The following DENND5A variants were observed in gnomAD, a reference collection of about 807,000 sequenced individuals.
DENND5A encodes DENN domain-containing protein 5A.
Under a neutral mutation model 140.3 loss-of-function variants are expected in DENND5A, and 64 were observed. The observed-to-expected ratio is 0.46, with a 90% CI of 0.37 to 0.56. The LOEUF (loss-of-function observed/expected upper bound fraction) is 0.56. DENND5A is among the 20% of genes least tolerant of loss of function. The pLI is 0.00. For missense variants in DENND5A, 1,292 were observed against 1,593.8 expected (o/e 0.81, Z 3.22); for synonymous variants, 605 against 607.7 (o/e 1.00, Z 0.07).
At chr11:9,176,767 C>T in intron 8 of DENND5A, 1 of 378,090 alleles carries the variant, frequency 2.6e-6, no homozygotes, top group South Asian at 2.0e-5. Flanking sequence ...CCATCAACTG[C>T]TTACTCATAA....
chr11:9,246,298 C>T (rs1851468079), intron 1 of DENND5A, among the ~76,000 whole-genome samples: 1 of 152,102 alleles, frequency 6.6e-6, no homozygotes, highest in Non-Finnish European at 1.5e-5. Flanking sequence ...AGGTTCCACA[C>T]CGGACACATA....
In DENND5A at chr11:9,193,501, G is replaced by C. The variant is rs1849211618; in HGVS notation, c.1130C>G (p.Pro377Arg). The change falls in exon 5 of 23, where the codon CCT becomes CGT. Residue 377 changes from proline (P) to arginine (R), a missense_variant. Coordinates refer to ENST00000328194, the MANE Select transcript of DENND5A (RefSeq NM_015213.4). Reference sequence around the variant, plus strand: ...CAACACTCAAGATCTCACCTCTTGAGGCAGCTCCAGCTTTGACCGGTCATC... The same window carrying C: ...CAACACTCAAGATCTCACCTCTTGACGCAGCTCCAGCTTTGACCGGTCATC... ...GLDDRSKLEL[P>R]QEANLCFVDI... 1 of 1,604,574 alleles carries C rather than the reference G, an allele frequency of 6.2e-7. No homozygotes were observed. The highest frequency in any genetic ancestry group is 8.5e-7 in the Non-Finnish European group (1 of 1,175,894).
At chr11:9,196,588 C>A (rs753219850) in intron 4 of DENND5A, among the ~76,000 whole-genome samples, 2 of 151,978 alleles carry the variant, frequency 1.3e-5, no homozygotes, top group Non-Finnish European at 2.9e-5. Flanking sequence ...TCCTGAAATG[C>A]CTTTTTTCAA....
intron 1 of DENND5A, among the ~76,000 whole-genome samples, chr11:9,235,263 A>G (rs1257377322): frequency 6.6e-6 from 1 of 152,224 alleles, no homozygotes; most frequent in African/African-American, 2.4e-5. Context: ...AAAATATGGT[A>G]CGTATTATTC....
chr11:9,150,228 A>G lies in DENND5A; in HGVS notation c.2607-19T>C, dbSNP rs7123970. ...GATGTGCCTGGAGGAAGAATGTAAA[A>G]AGGAAGTGGAGGGTGGGATGGGAGA... is the stretch of plus-strand genomic sequence containing the variant. On this transcript the variant is annotated intron_variant, in intron 14 of 22. Coordinates refer to ENST00000328194, the MANE Select transcript of DENND5A (RefSeq NM_015213.4). 539,525 of 1,610,982 alleles carry G rather than the reference A, an allele frequency of 0.33. 95,413 individuals are homozygous for G. Among genetic ancestry groups the G allele is most frequent in the African/African-American group, 0.62 (46,132 of 74,848 alleles).
rs192043211 is a variant in DENND5A at position 9,206,583 on chromosome 11, G to A, written c.291+90C>T. 840 of 900,644 alleles carry A rather than the reference G, an allele frequency of 9.3e-4. 3 individuals carry two copies. Among genetic ancestry groups the A allele is most frequent in the Non-Finnish European group, 1.3e-3 (704 of 548,030 alleles). 55.8% of individuals were successfully genotyped at this position (900,644 alleles called of 1,614,324 possible). On this transcript the variant is annotated intron_variant, in intron 3 of 22. Transcript: ENST00000328194. ...TTTCTTCAAAAGTTATTGGTATTTG[G>A]TGGCACCACTGCTACCACAGCCTGA...
intron 1 of DENND5A, among the ~76,000 whole-genome samples, chr11:9,233,588 T>A (rs534252080): frequency 1.3e-5 from 2 of 151,946 alleles, no homozygotes; most frequent in East Asian, 3.9e-4. Context: ...AGTAGTTGAG[T>A]GTACCCAAAA....
rs755189426 is a variant in DENND5A at position 9,181,103 on chromosome 11, T to A, written c.1138-19A>T. On this transcript the variant is annotated intron_variant, in intron 5 of 22. Transcript: ENST00000328194. ...GGTTAGCCTGGAAGTCAAAACAGGA[T>A]GAGGAGTATGAATAACTCCAGAGCA... is the stretch of plus-strand genomic sequence containing the variant. 6.2e-7 allele frequency: 1 copy of A among 1,603,538 alleles called. No individual in the cohort carries two copies. Among genetic ancestry groups the A allele is most frequent in the African/African-American group, 1.3e-5 (1 of 74,720 alleles).
At chr11:9,208,955 T>C (rs1849781035) in intron 1 of DENND5A, among the ~76,000 whole-genome samples, 1 of 152,224 alleles carries the variant, frequency 6.6e-6, no homozygotes. Context: ...GCACTTACTG[T>C]ACAAAGTAAT....
At chr11:9,252,290 C>T (rs1354085335) in intron 1 of DENND5A, among the ~76,000 whole-genome samples, 68 of 123,344 alleles carry the variant, frequency 5.5e-4, no homozygotes, top group Admixed American at 2.7e-3. Flanking sequence ...AGCAAGACTC[C>T]GTCTCAAAAA....
chr11:9,206,682 T>C lies in DENND5A; in HGVS notation c.282A>G (p.Ala94=). Residue 94 remains alanine (A), a synonymous_variant, in exon 3 of 23, where the codon GCA becomes GCG. Coordinates refer to ENST00000328194, the MANE Select transcript of DENND5A (RefSeq NM_015213.4). ...NVEWNPFDQD[A]VGMLCMPKGL... ...GCTAACAAATACCAACCATTCCTAC[T>C]GCATCTTGGTCAAAGGGATTCCATT... The C allele has an allele frequency of 1.2e-6, 2 of 1,606,848 alleles. No homozygotes were observed. Among genetic ancestry groups the C allele is most frequent in the Non-Finnish European group, 1.7e-6 (2 of 1,173,462 alleles).
chr11:9,174,096 C>G (rs954683441), intron 8 of DENND5A, among the ~76,000 whole-genome samples: 1 of 90,340 alleles, frequency 1.1e-5, no homozygotes, highest in Non-Finnish European at 2.0e-5. Context: ...GAGCAAGACT[C>G]CGTCTCAAAA....
Position 9,204,017 on chromosome 11 carries a change from G to A in DENND5A, c.592C>T (p.Arg198Trp), listed in dbSNP as rs373169544. The A allele has an allele frequency of 2.1e-5, 34 of 1,613,948 alleles. No homozygotes were observed. Among genetic ancestry groups the A allele is most frequent in the Non-Finnish European group, 2.5e-5 (30 of 1,180,018 alleles). Residue 198 changes from arginine (R) to tryptophan (W), a missense_variant, in exon 4 of 23, where the codon CGG becomes TGG. By Grantham distance (101) the Arg-to-Trp change is moderately radical. Transcript: ENST00000328194. ...CACTTAGAGACGTAGAGAGTGTCCC[G>A]GCTAATGTCATAGGAGTTGAAGCGC... Reference protein sequence around the residue: ...LQRFNSYDISRDTLYVSKCIC... With the variant: ...LQRFNSYDISWDTLYVSKCIC...
At chr11:9,163,527 T>C (rs924345586) in intron 11 of DENND5A, among the ~76,000 whole-genome samples, 3 of 152,024 alleles carry the variant, frequency 2.0e-5, no homozygotes, top group Non-Finnish European at 4.4e-5. Context: ...TCCAGGCCAG[T>C]TGTGCAGTGC....
intron 11 of DENND5A, among the ~76,000 whole-genome samples, chr11:9,165,471 G>A (rs1316340144): frequency 2.6e-5 from 4 of 151,374 alleles, no homozygotes; most frequent in South Asian, 2.1e-4. Flanking sequence ...ACAGAGTCTC[G>A]CTCTGTTGCC....
chr11:9,177,487 A>G (rs1161272991), intron 8 of DENND5A, among the ~76,000 whole-genome samples: 1 of 77,636 alleles, frequency 1.3e-5, no homozygotes, highest in Non-Finnish European at 3.0e-5. Context: ...TGTCTCCACA[A>G]AAAAAAAAAA....
Position 9,225,005 on chromosome 11 carries a change from A to T in DENND5A, c.110-17373T>A, listed in dbSNP as rs151075312. 5.2e-3 allele frequency among the ~76,000 whole-genome samples: 794 copies of T among 152,250 alleles called. 7 individuals carry two copies. Among genetic ancestry groups the T allele is most frequent in the African/African-American group, 0.018 (730 of 41,542 alleles). ...CTCCTTTGAATGTAGTTCATATGACATGGTTTTCAGTTCCCTCACAATCCT... is the reference window on the plus strand; with the variant it reads ...CTCCTTTGAATGTAGTTCATATGACTTGGTTTTCAGTTCCCTCACAATCCT... On this transcript the variant is annotated intron_variant, in intron 1 of 22. Coordinates refer to ENST00000328194, the MANE Select transcript of DENND5A (RefSeq NM_015213.4).
chr11:9,169,706 T>C (rs959065951), intron 10 of DENND5A, 150 bp downstream of exon 10: 3 of 533,630 alleles, frequency 5.6e-6, no homozygotes, highest in East Asian at 3.2e-5. Context: ...CAGCATTAGA[T>C]ATCAGGAACT....
intron 17 of DENND5A, 32 bp downstream of exon 17, chr11:9,145,638 C>G: frequency 6.2e-7 from 1 of 1,611,846 alleles, no homozygotes; most frequent in Non-Finnish European, 8.5e-7. Flanking sequence ...AACTCAGATC[C>G]CCACAGAGCT....
Sources: allele counts gnomAD v4.1 joint callset (sites outside exome capture counted in the v4.1 genomes callset), GRCh38; gene constraint gnomAD v4.1.1; transcripts MANE v1.5; gene names NCBI Gene and HGNC (gene_info 2026-07-23, HGNC 2026-07-21).